TP53BP1: variants seen among roughly 807,000 people sequenced by gnomAD.
The protein encoded by TP53BP1 is tumor protein p53 binding protein 1.
TP53BP1 carries 61 observed loss-of-function variants against 200.8 expected under a neutral mutation model. The ratio of observed to expected loss-of-function variants is 0.30; its 90% CI spans 0.25 to 0.38. The LOEUF (loss-of-function observed/expected upper bound fraction) is 0.38. Ranked by LOEUF, TP53BP1 falls within the 10% of genes least tolerant of loss-of-function variation. The pLI is 1.00. For synonymous variants in TP53BP1, 822 were observed against 844.3 expected, an observed-to-expected ratio of 0.97 and a Z score of 0.46; for missense variants, 2,144 against 2,371.9, an observed-to-expected ratio of 0.90 and a Z score of 2.00.
rs2444037 is a variant in TP53BP1, at chr15:43,406,014, C to T, written c.*1369G>A. The stretch of plus-strand genomic sequence containing the variant: ...GAGATTGTGCCATTGCATTCCAGCC[C>T]GGGCAACAAGAGCGAAATTCCGTCT... On this transcript the variant is annotated 3_prime_UTR_variant, in exon 28 of 28. Transcript: ENST00000382044. The T allele has an allele frequency of 0.49, 68,389 of 139,356 alleles. 20,705 individuals are homozygous for T. Among genetic ancestry groups the T allele is most frequent in the African/African-American group, 0.88 (33,276 of 38,028 alleles). The allele number at this position is 139,356 out of a possible 1,614,324, so 8.6% of individuals were successfully genotyped here. A position where few individuals can be genotyped will look rare whatever the true frequency, so the allele number is the denominator to read the frequency against.
intron 12 of TP53BP1, among the ~76,000 whole-genome samples, chr15:43,455,249 AG>A (rs1566944190): frequency 2.6e-5 from 4 of 152,216 alleles, no homozygotes; most frequent in African/African-American, 9.6e-5. Context: ...TAATCAAAAA[AG>A]ATCCTTCTAC....
chr15:43,503,713 C>T (rs1031943667), intron 1 of TP53BP1, among the ~76,000 whole-genome samples: 4 of 152,070 alleles, frequency 2.6e-5, no homozygotes, highest in Non-Finnish European at 5.9e-5. Context: ...TCTCCTTCCA[C>T]AGATGTCAGG....
chr15:43,478,798 A>T (rs2078919676), intron 7 of TP53BP1, among the ~76,000 whole-genome samples: 1 of 152,228 alleles, frequency 6.6e-6, no homozygotes, highest in African/African-American at 2.4e-5. Flanking sequence ...ACTCTTCATA[A>T]CACCAGAGAG....
At chr15:43,430,977 A>C (rs947903962) in intron 17 of TP53BP1, among the ~76,000 whole-genome samples, 3 of 152,032 alleles carry the variant, frequency 2.0e-5, no homozygotes, top group African/African-American at 7.2e-5. Flanking sequence ...ACTACTCTCA[A>C]ACTTTGGGGT....
At chr15:43,440,327 C>T (rs567889756) in intron 15 of TP53BP1, among the ~76,000 whole-genome samples, 29 of 151,864 alleles carry the variant, frequency 1.9e-4, no homozygotes, top group Admixed American at 3.9e-4. Context: ...CTGGCTAACA[C>T]GGTGAAACCC....
At position 43,470,014 on chromosome 15, in the gene TP53BP1, C is replaced by T; in HGVS notation, c.1233G>A (p.Gln411=). 6.2e-7 allele frequency: 1 copy of T among 1,613,690 alleles called. No homozygotes were observed. Among genetic ancestry groups the T allele is most frequent in the Non-Finnish European group, 8.5e-7 (1 of 1,180,026 alleles). The part of the protein sequence containing the change: ...VLSEEGGEPF[Q]KKLQSGEPVE... ...CTGGTTCACCACTTTGAAGTTTCTT[C>T]TGAAAAGGCTCTCCTCCTTCTTCAG... The change falls in exon 11 of 28, where the codon CAG becomes CAA. Residue 411 remains glutamine (Q), a synonymous_variant. Coordinates refer to ENST00000382044, the MANE Select transcript of TP53BP1 (RefSeq NM_001141980.3).
chr15:43,407,116 C>G lies in TP53BP1; in HGVS notation c.*267G>C. On this transcript the variant is annotated 3_prime_UTR_variant, in exon 28 of 28. Coordinates refer to ENST00000382044, the MANE Select transcript of TP53BP1 (RefSeq NM_001141980.3). ...TTCAATTTCCTTGGCCAGCTGTCCTCCGTAAGTGAATAAGCCTGTTGAAAG... is the reference window on the plus strand; with the variant it reads ...TTCAATTTCCTTGGCCAGCTGTCCTGCGTAAGTGAATAAGCCTGTTGAAAG... 1 of 375,752 alleles carries G rather than the reference C, an allele frequency of 2.7e-6. No homozygotes were observed. The highest frequency in any genetic ancestry group is 4.9e-6 in the Non-Finnish European group (1 of 204,820). The allele number at this position is 375,752 out of a possible 1,614,324, so 23.3% of individuals were successfully genotyped here.
At chr15:43,487,685 C>A (rs1235674931) in intron 4 of TP53BP1, among the ~76,000 whole-genome samples, 1 of 151,010 alleles carries the variant, frequency 6.6e-6, no homozygotes, top group Non-Finnish European at 1.5e-5. Context: ...CCCAGCTACT[C>A]AGGATGCTGA....
intron 12 of TP53BP1, among the ~76,000 whole-genome samples, chr15:43,451,788 T>C (rs945646966): frequency 6.6e-6 from 1 of 152,240 alleles, no homozygotes; most frequent in Non-Finnish European, 1.5e-5. Context: ...TGAACTAGTT[T>C]ACAGTCCCAC....
chr15:43,486,425 C>A (rs1595621676), intron 4 of TP53BP1, among the ~76,000 whole-genome samples: 1 of 152,108 alleles, frequency 6.6e-6, no homozygotes, highest in South Asian at 2.1e-4. Context: ...TGCTGAGTTA[C>A]CCCATCTTTC....
chr15:43,434,559 G>A (rs1417078659), intron 16 of TP53BP1, among the ~76,000 whole-genome samples: 1 of 152,126 alleles, frequency 6.6e-6, no homozygotes, highest in Admixed American at 6.5e-5. Flanking sequence ...GTATTAAGAG[G>A]CAGAGCCCTC....
At chr15:43,504,049 C>T (rs116526951) in intron 1 of TP53BP1, among the ~76,000 whole-genome samples, 2,176 of 152,224 alleles carry the variant, frequency 0.014, 57 homozygotes, top group African/African-American at 0.05. Flanking sequence ...CTTTGGGAGA[C>T]CAAGATGGGA....
intron 11 of TP53BP1, among the ~76,000 whole-genome samples, chr15:43,458,734 T>C (rs2046359685): frequency 6.6e-6 from 1 of 151,748 alleles, no homozygotes; most frequent in African/African-American, 2.4e-5. Flanking sequence ...GAGCTATTAT[T>C]GTACCACTCA....
At chr15:43,451,398 T>C (rs1027027298) in intron 12 of TP53BP1, among the ~76,000 whole-genome samples, 11 of 149,772 alleles carry the variant, frequency 7.3e-5, no homozygotes, top group African/African-American at 1.2e-4. Context: ...TGTGTTCTCA[T>C]TGTTCTATTC....
rs1566916800 is a variant in TP53BP1, at chr15:43,415,408, T to C, written c.5089+186A>G. ...CTTGCTATCTACCCGCACTAGAGTC[T>C]GTAGGGGATGGGGGAGGAGGGATAC... On this transcript the variant is annotated intron_variant, in intron 23 of 27. Transcript: ENST00000382044. The C allele has an allele frequency of 7.0e-6, 5 of 716,932 alleles. No individual in the cohort carries two copies. In the Admixed American group the frequency reaches 1.0e-4, roughly 14 times the overall value. The allele number at this position is 716,932 out of a possible 1,614,324, so 44.4% of individuals were successfully genotyped here. A position where few individuals can be genotyped will look rare whatever the true frequency, so the allele number is the denominator to read the frequency against.
In TP53BP1 at chr15:43,446,273, A is replaced by T. The variant is rs1298346936; in HGVS notation, c.3040+114T>A. On this transcript the variant is annotated intron_variant, in intron 14 of 27. Transcript: ENST00000382044. ...AAAGAATTAAATCTATGAGTGTAAG[A>T]CTTTACAAATACATTTATAAATATA... 1.3e-5 allele frequency: 11 copies of T among 820,610 alleles called. No individual in the cohort carries two copies. In the East Asian group the frequency reaches 3.0e-4, roughly 22 times the overall value. The allele number at this position is 820,610 out of a possible 1,614,324, so 50.8% of individuals were successfully genotyped here. A position where few individuals can be genotyped will look rare whatever the true frequency, so the allele number is the denominator to read the frequency against.
chr15:43,504,689 G>C (rs1394113647), intron 1 of TP53BP1, among the ~76,000 whole-genome samples: 3 of 152,144 alleles, frequency 2.0e-5, no homozygotes, highest in African/African-American at 7.2e-5. Context: ...TGAGAAAAAG[G>C]CAAGTGGTTC....
intron 11 of TP53BP1, among the ~76,000 whole-genome samples, chr15:43,459,310 C>A (rs753499025): frequency 3.3e-5 from 5 of 152,078 alleles, no homozygotes; most frequent in Admixed American, 6.6e-5. Flanking sequence ...GCACTCCAGC[C>A]TCAGCGACAG....
At chr15:43,471,491 A>G (rs1415616867) in intron 10 of TP53BP1, among the ~76,000 whole-genome samples, 1 of 151,778 alleles carries the variant, frequency 6.6e-6, no homozygotes, top group Non-Finnish European at 1.5e-5. Flanking sequence ...CAGTGGTGCC[A>G]CCTTGGCTCA....
Sources: allele counts gnomAD v4.1 joint callset (sites outside exome capture counted in the v4.1 genomes callset), GRCh38; gene constraint gnomAD v4.1.1; transcripts MANE v1.5; gene names NCBI Gene and HGNC (gene_info 2026-07-23, HGNC 2026-07-21).